The following SEMA6D variants were observed in gnomAD, a reference collection of about 807,000 sequenced individuals.
SEMA6D encodes the protein semaphorin-6D.
SEMA6D carries 35 observed loss-of-function variants against 106.6 expected under a neutral mutation model. That is an observed-to-expected ratio of 0.33 (90% CI 0.25 to 0.44). SEMA6D has a LOEUF of 0.44. SEMA6D is among the 20% of genes least tolerant of loss of function. The pLI is 1.00. For missense variants in SEMA6D, 1,185 were observed against 1,345.9 expected, an observed-to-expected ratio of 0.88 and a Z score of 1.87; for synonymous variants, 499 against 487.7, an observed-to-expected ratio of 1.02 and a Z score of -0.31.
chr15:47,531,784 C>T (rs2044979718), intron 3 of SEMA6D, among the ~76,000 whole-genome samples: 1 of 152,168 alleles, frequency 6.6e-6, no homozygotes, highest in Non-Finnish European at 1.5e-5. Context: ...GCAGTCTCCC[C>T]CATGCCTATA....
intron 4 of SEMA6D, among the ~76,000 whole-genome samples, chr15:47,704,989 T>A (rs559631849): frequency 6.6e-6 from 1 of 152,324 alleles, no homozygotes; most frequent in South Asian, 2.1e-4. Flanking sequence ...AAAAATACAT[T>A]CACTTTTCTG....
In SEMA6D at chr15:47,761,688, G is replaced by C; in HGVS notation, c.475G>C (p.Glu159Gln). 6.2e-7 allele frequency: 1 copy of C among 1,613,382 alleles called. No individual in the cohort carries two copies. Among genetic ancestry groups the C allele is most frequent in the Non-Finnish European group, 8.5e-7 (1 of 1,179,620 alleles). The change falls in exon 7 of 19, where the codon GAA (glutamate) becomes CAA (glutamine). Residue 159 changes from glutamate to glutamine, a missense_variant. Transcript: ENST00000536845. ...GAGTACCTTAGAATATGATGGGGAA[G>C]AAATTAGTGGCCTGGCAAGATGCCC... is the stretch of plus-strand genomic sequence containing the variant. ...RLSTLEYDGE[E>Q]ISGLARCPFD... is the part of the protein sequence containing the mutation.
chr15:47,478,630 A>G (rs1338275560), intron 3 of SEMA6D, among the ~76,000 whole-genome samples: 1 of 152,212 alleles, frequency 6.6e-6, no homozygotes, highest in Non-Finnish European at 1.5e-5. Context: ...AGCTGGAACC[A>G]AAAACAGCCT....
chr15:47,567,043 G>A (rs1179217616), intron 3 of SEMA6D, among the ~76,000 whole-genome samples: 1 of 152,136 alleles, frequency 6.6e-6, no homozygotes, highest in Non-Finnish European at 1.5e-5. Flanking sequence ...TTTGTTGTTT[G>A]GAATTATTCT....
rs149553085 is a variant in SEMA6D at position 47,355,493 on chromosome 15, C to T, written c.-238-56900C>T. On this transcript the variant is annotated intron_variant, in intron 1 of 19. Transcript: ENST00000558014. The stretch of plus-strand genomic sequence containing the variant: ...TTGAGGATTGGCAGAGTAAAGACTG[C>T]GTGTGTGTATGTGTGAGAAAGAGAA... Among the ~76,000 whole-genome samples, 175 of 152,180 alleles carry T rather than the reference C, an allele frequency of 1.1e-3. 2 individuals are homozygous for T. The East Asian group carries it at 0.024, about 21-fold the overall frequency.
At position 47,326,588 on chromosome 15, in the gene SEMA6D, G is replaced by GTTGTTTACAAGCAACACTTGTTT. The variant is rs373419427; in HGVS notation, c.-238-85805_-238-85804insTTGTTTACAAGCAACACTTGTTT. On this transcript the variant is annotated intron_variant, in intron 1 of 19. Transcript: ENST00000558014. ...TTAGTAAGTGCTGAGTTGTTTACAA[G>GTTGTTTACAAGCAACACTTGTTT]CAATGTTGCCGTGCGAACCTTGAAA... is the stretch of plus-strand genomic sequence containing the variant. Among the ~76,000 whole-genome samples the GTTGTTTACAAGCAACACTTGTTT allele has an allele frequency of 1.7e-3, 261 of 152,336 alleles. 2 individuals carry two copies. Among genetic ancestry groups the GTTGTTTACAAGCAACACTTGTTT allele is most frequent in the African/African-American group, 6.1e-3 (254 of 41,570 alleles).
chr15:47,285,997 C>T (rs2035344558), intron 1 of SEMA6D, among the ~76,000 whole-genome samples: 1 of 152,146 alleles, frequency 6.6e-6, no homozygotes, highest in African/African-American at 2.4e-5. Context: ...CTAAGAACAA[C>T]CAAGCTAGGC....
rs1010664874 is a variant in SEMA6D, at chr15:47,772,594, T to G, written c.*809T>G. 9.2e-5 allele frequency: 14 copies of G among 152,584 alleles called. No individual in the cohort carries two copies. Among genetic ancestry groups the G allele is most frequent in the African/African-American group, 3.1e-4 (13 of 41,432 alleles). The allele number at this position is 152,584 out of a possible 1,614,324, so 9.5% of individuals were successfully genotyped here. ...TTATGTGGTACCCAATGCCAGAATG[T>G]AAGAGTTGCAAGTGATTTTGTGCTG... On this transcript the variant is annotated 3_prime_UTR_variant, in exon 19 of 19. Coordinates refer to ENST00000536845, the MANE Select transcript of SEMA6D (RefSeq NM_001358351.3).
At chr15:47,714,340 A>C (rs2079072230), upstream of SEMA6D, among the ~76,000 whole-genome samples, 1 of 145,152 alleles carries the variant, frequency 6.9e-6, no homozygotes, top group Admixed American at 6.6e-5. Context: ...TATAAAAATG[A>C]TAATAATAAT....
At chr15:47,481,879 G>A (rs1386157263) in intron 3 of SEMA6D, among the ~76,000 whole-genome samples, 1 of 152,160 alleles carries the variant, frequency 6.6e-6, no homozygotes, top group East Asian at 1.9e-4. Context: ...GCTGGATAGA[G>A]TGGAACTGTG....
chr15:47,621,196 A>T (rs1314828052), intron 4 of SEMA6D, among the ~76,000 whole-genome samples: 1 of 152,172 alleles, frequency 6.6e-6, no homozygotes, highest in Non-Finnish European at 1.5e-5. Flanking sequence ...AGCACCCACT[A>T]CAACAGCAGG....
chr15:47,405,508 C>T (rs1415006338), intron 1 of SEMA6D, among the ~76,000 whole-genome samples: 1 of 152,132 alleles, frequency 6.6e-6, no homozygotes. Flanking sequence ...CTTCACCTAA[C>T]TTACTAGCCT....
At chr15:47,704,557 A>G (rs1158175238) in intron 4 of SEMA6D, among the ~76,000 whole-genome samples, 1 of 152,094 alleles carries the variant, frequency 6.6e-6, no homozygotes, top group East Asian at 1.9e-4. Flanking sequence ...CATCTCTACA[A>G]AAAATTAGCT....
At chr15:47,367,447 C>T (rs865839036) in intron 1 of SEMA6D, among the ~76,000 whole-genome samples, 1 of 152,286 alleles carries the variant, frequency 6.6e-6, no homozygotes, top group Middle Eastern at 3.4e-3. Flanking sequence ...TTTGTCTTCT[C>T]ACATCAATTA....
chr15:47,563,628 T>C (rs751871326), intron 3 of SEMA6D, among the ~76,000 whole-genome samples: 1 of 152,218 alleles, frequency 6.6e-6, no homozygotes, highest in Non-Finnish European at 1.5e-5. Context: ...CTCTTCTCTG[T>C]ATTATAATTA....
chr15:47,753,555 G>A (rs1177767767), intron 1 of SEMA6D, among the ~76,000 whole-genome samples: 1 of 152,228 alleles, frequency 6.6e-6, no homozygotes, highest in East Asian at 1.9e-4. Context: ...TGGGCTGAAG[G>A]TCCTGATGAG....
intron 1 of SEMA6D, among the ~76,000 whole-genome samples, chr15:47,283,277 CAT>C (rs1366130319): frequency 2.6e-5 from 4 of 152,094 alleles, no homozygotes; most frequent in East Asian, 3.9e-4. Context: ...TATATGCGTA[CAT>C]GTGTGTGTAT....
At chr15:47,219,484 T>C (rs1173183614) in intron 1 of SEMA6D, among the ~76,000 whole-genome samples, 1 of 152,238 alleles carries the variant, frequency 6.6e-6, no homozygotes, top group Non-Finnish European at 1.5e-5. Flanking sequence ...CCTCCTGGTA[T>C]GTTCTACCTG....
At chr15:47,769,080 C>T (rs2082496758) in intron 18 of SEMA6D, among the ~76,000 whole-genome samples, 1 of 152,198 alleles carries the variant, frequency 6.6e-6, no homozygotes, top group African/African-American at 2.4e-5. Context: ...AAACAAAACT[C>T]ATTAATTGCA....
Sources: allele counts gnomAD v4.1 joint callset (sites outside exome capture counted in the v4.1 genomes callset), GRCh38; gene constraint gnomAD v4.1.1; transcripts MANE v1.5; gene names NCBI Gene and HGNC (gene_info 2026-07-23, HGNC 2026-07-21).